The following ST8SIA6 variants were observed in gnomAD, a reference collection of about 807,000 sequenced individuals.
ST8SIA6 encodes the protein alpha-2,8-sialyltransferase 8F.
ST8SIA6 carries 39 observed loss-of-function variants against 33.6 expected under a neutral mutation model. The observed-to-expected ratio is 1.16, with a 90% confidence interval of 0.90 to 1.52. ST8SIA6 has a LOEUF of 1.52. Among genes scored for constraint, ST8SIA6 ranks in the 40% most tolerant of loss-of-function variants. The pLI is 0.00. For synonymous variants in ST8SIA6, 172 were observed against 167.2 expected (o/e 1.03, Z -0.22); for missense variants, 441 against 443.8 (o/e 0.99, Z 0.06).
rs998168907 is a variant in ST8SIA6, at chr10:17,316,793, A to T, written c.*4085T>A. Among the ~76,000 whole-genome samples the T allele has an allele frequency of 1.3e-4, 20 of 152,022 alleles. No homozygotes were observed. Among genetic ancestry groups the T allele is most frequent in the Admixed American group, 2.6e-4 (4 of 15,248 alleles). On this transcript the variant is annotated 3_prime_UTR_variant, in exon 8 of 8. Coordinates refer to ENST00000377602, the MANE Select transcript of ST8SIA6 (RefSeq NM_001004470.3). ...ACATTCTTATCTTTTGTTCATTTTT[A>T]TATTGAGTTTCCTGTCTTTTACTTG...
At chr10:17,324,708 TAC>T (rs6143806) in intron 6 of ST8SIA6, among the ~76,000 whole-genome samples, 47,914 of 139,780 alleles carry the variant, frequency 0.34, 8,696 homozygotes, top group African/African-American at 0.46. Context: ...ATATAGAGTA[TAC>T]ACACACACAC....
chr10:17,356,092 T>C (rs892080066), intron 4 of ST8SIA6, among the ~76,000 whole-genome samples: 4 of 152,236 alleles, frequency 2.6e-5, no homozygotes, highest in Non-Finnish European at 4.4e-5. Context: ...CTTATATTTC[T>C]TGTCTTTCTA....
Position 17,359,616 on chromosome 10 carries a change from C to G in ST8SIA6, c.291-16G>C. 2.0e-6 allele frequency: 3 copies of G among 1,490,966 alleles called. No individual in the cohort carries two copies. Among genetic ancestry groups the G allele is most frequent in the Non-Finnish European group, 2.8e-6 (3 of 1,082,924 alleles). 92.4% of individuals were successfully genotyped at this position (1,490,966 alleles called of 1,614,324 possible). On this transcript the variant is annotated splice_polypyrimidine_tract_variant and intron_variant, in intron 3 of 7. Transcript: ENST00000377602. Reference sequence around the variant, plus strand: ...CTCTGAATACCTAAAAATTAAATGTCAATATAATTAGAAAATAATGATCTC... The same window carrying G: ...CTCTGAATACCTAAAAATTAAATGTGAATATAATTAGAAAATAATGATCTC...
chr10:17,412,219 C>A (rs1851475673), intron 2 of ST8SIA6, among the ~76,000 whole-genome samples: 1 of 152,080 alleles, frequency 6.6e-6, no homozygotes, highest in Admixed American at 6.6e-5. Context: ...TAGGACAATG[C>A]CTGCTCTCCC....
intron 2 of ST8SIA6, among the ~76,000 whole-genome samples, chr10:17,422,684 C>T (rs1002451698): frequency 5.9e-5 from 9 of 152,158 alleles, no homozygotes; most frequent in African/African-American, 2.2e-4. Context: ...ATTTTACTGA[C>T]TCTGAGGGGC....
chr10:17,334,380 A>G (rs951944051), intron 4 of ST8SIA6, among the ~76,000 whole-genome samples: 9 of 151,754 alleles, frequency 5.9e-5, no homozygotes, highest in Non-Finnish European at 1.2e-4. Context: ...TCTACTAAAA[A>G]TACAAAAAGT....
chr10:17,347,009 T>C (rs1848861324), intron 4 of ST8SIA6, among the ~76,000 whole-genome samples: 1 of 152,216 alleles, frequency 6.6e-6, no homozygotes, highest in African/African-American at 2.4e-5. Context: ...GAAGCAGAAA[T>C]ACCTCTTCTC....
intron 2 of ST8SIA6, among the ~76,000 whole-genome samples, chr10:17,407,295 C>T (rs949805560): frequency 2.0e-5 from 3 of 152,140 alleles, no homozygotes; most frequent in Admixed American, 2.0e-4. Context: ...CGGCCCCTGT[C>T]CAGTTCAAAC....
At chr10:17,421,945 G>A (rs1851791361) in intron 2 of ST8SIA6, among the ~76,000 whole-genome samples, 1 of 152,124 alleles carries the variant, frequency 6.6e-6, no homozygotes, top group African/African-American at 2.4e-5. Context: ...AAGTAGAGAA[G>A]AATAAAGATT....
chr10:17,323,195 T>C lies in ST8SIA6; in HGVS notation c.636-38A>G, dbSNP rs780993889. On this transcript the variant is annotated intron_variant, in intron 6 of 7. Coordinates refer to ENST00000377602, the MANE Select transcript of ST8SIA6 (RefSeq NM_001004470.3). ...AAGAAAATCATTTTCAAAATAGAACTTGTAGAAAAAAGATTGTATACACAC... is the reference window on the plus strand; with the variant it reads ...AAGAAAATCATTTTCAAAATAGAACCTGTAGAAAAAAGATTGTATACACAC... The C allele has an allele frequency of 6.4e-6, 10 of 1,570,436 alleles. No individual in the cohort carries two copies. In the South Asian group the frequency reaches 1.1e-4, roughly 17 times the overall value.
intron 2 of ST8SIA6, among the ~76,000 whole-genome samples, chr10:17,390,996 T>G (rs576279482): frequency 1.5e-3 from 235 of 151,882 alleles, no homozygotes; most frequent in Non-Finnish European, 2.4e-3. Flanking sequence ...GTAGCTAGGA[T>G]TATAGGCGCC....
chr10:17,417,699 A>G (rs1851647905), intron 2 of ST8SIA6, among the ~76,000 whole-genome samples: 1 of 152,096 alleles, frequency 6.6e-6, no homozygotes, highest in Non-Finnish European at 1.5e-5. Context: ...GGCTGCCAAA[A>G]TAAGCCCCTA....
At chr10:17,349,845 T>C (rs2131606889) in intron 4 of ST8SIA6, among the ~76,000 whole-genome samples, 1 of 152,302 alleles carries the variant, frequency 6.6e-6, no homozygotes, top group African/African-American at 2.4e-5. Context: ...TCTTGACCTA[T>C]TTTCTGAACC....
intron 3 of ST8SIA6, among the ~76,000 whole-genome samples, chr10:17,386,223 G>A (rs1478918215): frequency 1.3e-5 from 2 of 151,564 alleles, no homozygotes; most frequent in South Asian, 2.1e-4. Flanking sequence ...CGGGCGCGGT[G>A]GCTCGCACCT....
chr10:17,380,809 ATGTATGTGTACGTTTGTGTGTT>A (rs1327399003), intron 3 of ST8SIA6, among the ~76,000 whole-genome samples: 3 of 135,410 alleles, frequency 2.2e-5, no homozygotes, highest in Middle Eastern at 3.6e-3. Context: ...GTTTGTGTGA[ATGTATGTGTACGTTTGTGTGTT>A]TGTATGTGTA....
intron 2 of ST8SIA6, among the ~76,000 whole-genome samples, chr10:17,442,154 A>G (rs1214848111): frequency 6.6e-6 from 1 of 152,264 alleles, no homozygotes; most frequent in African/African-American, 2.4e-5. Context: ...GGCGTGGGCC[A>G]CTGCACTCGG....
chr10:17,361,258 C>T (rs1849378225), intron 3 of ST8SIA6, among the ~76,000 whole-genome samples: 1 of 151,910 alleles, frequency 6.6e-6, no homozygotes, highest in Admixed American at 6.6e-5. Flanking sequence ...TTGATAAAAA[C>T]TCTTGCCACA....
chr10:17,451,546 G>C (rs1290811305), intron 2 of ST8SIA6, among the ~76,000 whole-genome samples: 1 of 152,128 alleles, frequency 6.6e-6, no homozygotes, highest in Non-Finnish European at 1.5e-5. Context: ...TAACAAAAAT[G>C]CACTTTACCC....
intron 2 of ST8SIA6, among the ~76,000 whole-genome samples, chr10:17,429,990 C>T (rs1852054267): frequency 6.6e-6 from 1 of 152,064 alleles, no homozygotes; most frequent in South Asian, 2.1e-4. Flanking sequence ...TTTTAGTGCA[C>T]CCATCGCCGG....
Sources: allele counts gnomAD v4.1 joint callset (sites outside exome capture counted in the v4.1 genomes callset), GRCh38; gene constraint gnomAD v4.1.1; transcripts MANE v1.5; gene names NCBI Gene and HGNC (gene_info 2026-07-23, HGNC 2026-07-21).